The following PTPRN2 variants were observed in gnomAD, a reference collection of about 807,000 sequenced individuals.
The protein encoded by PTPRN2 is protein tyrosine phosphatase receptor type N2.
A neutral mutation model predicts 118.8 loss-of-function variants in PTPRN2; 74 were observed. The observed-to-expected ratio is 0.62, with a 90% CI of 0.52 to 0.76. The LOEUF is 0.76. Ranked by LOEUF, PTPRN2 falls within the 30% of genes least tolerant of loss-of-function variation. The pLI is 0.00. For synonymous variants in PTPRN2, 641 were observed against 608.0 expected (o/e 1.05, Z -0.80); for missense variants, 1,481 against 1,394.4 (o/e 1.06, Z -0.99).
intron 11 of PTPRN2, among the ~76,000 whole-genome samples, chr7:158,014,963 GCTTA>G (rs1288308765): frequency 6.6e-6 from 1 of 152,206 alleles, no homozygotes; most frequent in East Asian, 1.9e-4. Flanking sequence ...TAGTGCAAAA[GCTTA>G]CTTTCATTTC....
intron 3 of PTPRN2, among the ~76,000 whole-genome samples, chr7:158,257,465 G>T (rs903139746): frequency 6.6e-6 from 1 of 152,140 alleles, no homozygotes; most frequent in African/African-American, 2.4e-5. Context: ...TCTGACATTC[G>T]AATCCAGTCA....
chr7:158,238,665 G>A lies in PTPRN2; in HGVS notation c.278-33392C>T, dbSNP rs573007317. Among the ~76,000 whole-genome samples the A allele has an allele frequency of 9.9e-5, 15 of 152,280 alleles. 1 individual carries two copies. The highest frequency in any genetic ancestry group is 1.7e-4 in the African/African-American group (7 of 41,564). On this transcript the variant is annotated intron_variant, in intron 3 of 22. Transcript: ENST00000389418. ...TAAGAAGTGGGTGCCCAGGAAGCAC[G>A]GGTCGCAGCTCCACACGGACAGAGG... is the stretch of plus-strand genomic sequence containing the variant.
chr7:157,968,161 T>G (rs1802073138), intron 11 of PTPRN2, among the ~76,000 whole-genome samples: 1 of 152,182 alleles, frequency 6.6e-6, no homozygotes, highest in African/African-American at 2.4e-5. Context: ...TTAAAAAAAT[T>G]CACATGGTGT....
At chr7:157,746,617 G>A (rs1481957627) in intron 12 of PTPRN2, among the ~76,000 whole-genome samples, 2 of 151,374 alleles carry the variant, frequency 1.3e-5, no homozygotes, top group Non-Finnish European at 2.9e-5. Flanking sequence ...CAGTCCTCAC[G>A]GTGCCAACAG....
In PTPRN2 at chr7:157,945,642, C is replaced by T. The variant is rs116485045; in HGVS notation, c.1724-46905G>A. Among the ~76,000 whole-genome samples the T allele has an allele frequency of 6.5e-3, 981 of 151,750 alleles. 12 individuals carry two copies. The highest frequency in any genetic ancestry group is 0.022 in the African/African-American group (921 of 41,350). ...GCCTCCAGCTTGGACGATGCCGCCT[C>T]CAAGTCAGACGATGCCGCCTCCAGC... On this transcript the variant is annotated intron_variant, in intron 11 of 22. Transcript: ENST00000389418.
At chr7:158,456,450 A>G (rs1377241880) in intron 2 of PTPRN2, among the ~76,000 whole-genome samples, 2 of 150,308 alleles carry the variant, frequency 1.3e-5, no homozygotes, top group African/African-American at 4.9e-5. Context: ...AGAGAACATA[A>G]TGGCACGGAC....
chr7:158,520,469 A>G (rs1823898765), intron 1 of PTPRN2, among the ~76,000 whole-genome samples: 1 of 152,180 alleles, frequency 6.6e-6, no homozygotes. Flanking sequence ...TTTCTAGACG[A>G]GTCTTTCCTG....
chr7:158,331,915 CTGA>C (rs2151161599), intron 2 of PTPRN2, among the ~76,000 whole-genome samples: 1 of 148,236 alleles, frequency 6.7e-6, no homozygotes, highest in African/African-American at 2.6e-5. Context: ...ACCATAAGAG[CTGA>C]CGCCCGCAGA....
chr7:158,367,668 A>G (rs1809643243), intron 2 of PTPRN2, among the ~76,000 whole-genome samples: 2 of 152,164 alleles, frequency 1.3e-5, no homozygotes, highest in South Asian at 4.1e-4. Context: ...GAAGTCTGGG[A>G]TAAGCTCTAT....
At chr7:158,103,970 C>A (rs939046239) in intron 10 of PTPRN2, among the ~76,000 whole-genome samples, 12 of 152,100 alleles carry the variant, frequency 7.9e-5, no homozygotes, top group Admixed American at 2.6e-4. Flanking sequence ...TCAAGCAATT[C>A]TCTGCCTCAG....
intron 12 of PTPRN2, among the ~76,000 whole-genome samples, chr7:157,866,395 T>C (rs530514884): frequency 2.0e-5 from 3 of 152,062 alleles, no homozygotes; most frequent in African/African-American, 7.2e-5. Context: ...CACGTCCACA[T>C]GTACACACAT....
rs867172090 is a variant in PTPRN2, at chr7:158,133,870, C to T, written c.1363G>A (p.Asp455Asn). ...ENVKSQTYSK[D>N]LLGQQPHSEP... The stretch of plus-strand genomic sequence containing the variant: ...GAATGCGGCTGCTGCCCCAGCAGAT[C>T]TTTGGAATACGTCTGGCTCTTGACG... The change falls in exon 9 of 23, where the codon GAT becomes AAT. Residue 455 changes from aspartate (D) to asparagine (N), a missense_variant. Asp to Asn is a conservative substitution (Grantham distance 23). Around this residue, in one of 3 missense-constraint regions of PTPRN2, gnomAD observed 1,115 missense variants for 994.2 expected, o/e 1.12. Coordinates refer to ENST00000389418, the MANE Select transcript of PTPRN2 (RefSeq NM_002847.5). 2 of 1,613,942 alleles carry T rather than the reference C, an allele frequency of 1.2e-6. No individual in the cohort carries two copies. Among genetic ancestry groups the T allele is most frequent in the South Asian group, 2.2e-5 (2 of 91,086 alleles).
chr7:158,115,353 C>T (rs73745103), intron 9 of PTPRN2, among the ~76,000 whole-genome samples: 40,978 of 151,860 alleles, frequency 0.27, 5,690 homozygotes, highest in South Asian at 0.4. Context: ...TCATAGACTG[C>T]GATGTGTCAG....
intron 14 of PTPRN2, among the ~76,000 whole-genome samples, chr7:157,635,221 C>T (rs1804238470): frequency 6.6e-6 from 1 of 152,238 alleles, no homozygotes; most frequent in Admixed American, 6.5e-5. Flanking sequence ...TAACGTCTGA[C>T]ATAGCCTGGT....
intron 3 of PTPRN2, among the ~76,000 whole-genome samples, chr7:158,273,887 CAGG>C (rs1798735078): frequency 7.4e-6 from 1 of 135,452 alleles, no homozygotes; most frequent in Non-Finnish European, 1.5e-5. Context: ...GCCGCAGACG[CAGG>C]AGGAGCCGCA....
intron 13 of PTPRN2, among the ~76,000 whole-genome samples, chr7:157,660,135 C>T (rs1030376522): frequency 2.0e-5 from 3 of 152,182 alleles, no homozygotes; most frequent in Non-Finnish European, 4.4e-5. Flanking sequence ...ACTTCTATCT[C>T]TTCACACAAT....
At chr7:158,153,480 C>T (rs888263171) in intron 6 of PTPRN2, among the ~76,000 whole-genome samples, 1 of 152,172 alleles carries the variant, frequency 6.6e-6, no homozygotes, top group African/African-American at 2.4e-5. Flanking sequence ...CCCCTAGACA[C>T]TGCCATGGGG....
At chr7:157,872,288 C>T (rs1811126391) in intron 12 of PTPRN2, among the ~76,000 whole-genome samples, 1 of 145,636 alleles carries the variant, frequency 6.9e-6, no homozygotes, top group Non-Finnish European at 1.5e-5. Context: ...TACCCAGTGT[C>T]CTCCCCACAC....
chr7:158,313,515 G>A (rs2151084553), intron 3 of PTPRN2, among the ~76,000 whole-genome samples: 1 of 152,300 alleles, frequency 6.6e-6, no homozygotes, highest in East Asian at 1.9e-4. Flanking sequence ...CTCAGCCAGG[G>A]CCTGAGCAAG....
Sources: allele counts gnomAD v4.1 joint callset (sites outside exome capture counted in the v4.1 genomes callset), GRCh38; gene constraint gnomAD v4.1.1; regional missense constraint gnomAD v4.1.1; transcripts MANE v1.5; gene names NCBI Gene and HGNC (gene_info 2026-07-23, HGNC 2026-07-21).